The following ATP10A variants were observed in gnomAD, a reference collection of about 807,000 sequenced individuals.
The protein encoded by ATP10A is ATPase phospholipid transporting 10A (putative).
Under a neutral mutation model 147.8 loss-of-function variants are expected in ATP10A, and 111 were observed. The ratio of observed to expected loss-of-function variants is 0.75; its 90% CI spans 0.64 to 0.88. The LOEUF (loss-of-function observed/expected upper bound fraction) is 0.88. Ranked by LOEUF, ATP10A falls within the 40% of genes least tolerant of loss-of-function variation. The pLI, the probability that ATP10A is intolerant of heterozygous loss-of-function variation, is 0.00. For synonymous variants in ATP10A, 875 were observed against 841.6 expected, an observed-to-expected ratio of 1.04 and a Z score of -0.69; for missense variants, 1,927 against 1,959.0, an observed-to-expected ratio of 0.98 and a Z score of 0.31.
rs533558934 is a variant in ATP10A at position 25,835,446 on chromosome 15, G to A, written c.449+27202C>T. 7.9e-5 allele frequency among the ~76,000 whole-genome samples: 12 copies of A among 152,184 alleles called. No individual in the cohort carries two copies. In the South Asian group the frequency reaches 2.5e-3, roughly 32 times the overall value. ...AGCCCCCGCAGGAGCAGCAGCCCACGGAAGCAGCTCCCTCCCTGGTCGCAG... is the reference window on the plus strand; with the variant it reads ...AGCCCCCGCAGGAGCAGCAGCCCACAGAAGCAGCTCCCTCCCTGGTCGCAG... On this transcript the variant is annotated intron_variant, in intron 1 of 20. Transcript: ENST00000555815.
intron 3 of ATP10A, among the ~76,000 whole-genome samples, 187 bp downstream of exon 3, chr15:25,735,845 TCTACTGACAACAGGCTCTTACCCA>T (rs1017896609): frequency 3.3e-5 from 5 of 152,126 alleles, no homozygotes; most frequent in African/African-American, 1.2e-4. Context: ...GTGGCAAGCT[TCTACTGACAACAGGCTCTTACCCA>T]CTACTGACAA....
intron 2 of ATP10A, among the ~76,000 whole-genome samples, chr15:25,778,298 C>T (rs1396150070): frequency 6.6e-6 from 1 of 152,140 alleles, no homozygotes; most frequent in African/African-American, 2.4e-5. Flanking sequence ...GACAAGCTAA[C>T]TCAGTATTAC....
intron 3 of ATP10A, among the ~76,000 whole-genome samples, chr15:25,733,401 G>A (rs1449693099): frequency 1.3e-5 from 2 of 152,112 alleles, no homozygotes; most frequent in South Asian, 2.1e-4. Flanking sequence ...TCCTGCCCGA[G>A]GGAGCACTCC....
intron 3 of ATP10A, among the ~76,000 whole-genome samples, chr15:25,727,701 G>A (rs755273782): frequency 7.9e-5 from 12 of 152,208 alleles, no homozygotes; most frequent in Non-Finnish European, 1.5e-4. Context: ...AAAAGGGGAC[G>A]ATATTGGTTT....
chr15:25,674,408 G>A (rs140311710), downstream of ATP10A, among the ~76,000 whole-genome samples: 3 of 107,492 alleles, frequency 2.8e-5, no homozygotes, highest in Non-Finnish European at 5.7e-5. Flanking sequence ...TCTTCCCAGC[G>A]TAGGGACTGC....
rs140225022 is a variant in ATP10A at position 25,792,535 on chromosome 15, G to A, written c.450-11312C>T. On this transcript the variant is annotated intron_variant, in intron 1 of 20. Coordinates refer to ENST00000555815, the MANE Select transcript of ATP10A (RefSeq NM_024490.4). ...CAGACCCACGTGGGTGACAGATGTT[G>A]CATGTATTTAAATGACCCTGCAAAT... is the stretch of plus-strand genomic sequence containing the variant. 3.8e-3 allele frequency among the ~76,000 whole-genome samples: 586 copies of A among 152,348 alleles called. 3 individuals are homozygous for A. Among genetic ancestry groups the A allele is most frequent in the African/African-American group, 0.013 (557 of 41,584 alleles).
At chr15:25,674,222 C>A (rs1342989887), downstream of ATP10A, among the ~76,000 whole-genome samples, 1 of 152,184 alleles carries the variant, frequency 6.6e-6, no homozygotes, top group African/African-American at 2.4e-5. Flanking sequence ...TGAGGCAGAG[C>A]CACCCATGCA....
chr15:25,792,942 C>A (rs1442277227), intron 1 of ATP10A, among the ~76,000 whole-genome samples: 1 of 149,836 alleles, frequency 6.7e-6, no homozygotes, highest in Non-Finnish European at 1.5e-5. Context: ...GCGATCCTGA[C>A]TCACCGCAAC....
intron 2 of ATP10A, among the ~76,000 whole-genome samples, chr15:25,768,226 C>T (rs1889132157): frequency 6.6e-6 from 1 of 152,216 alleles, no homozygotes; most frequent in Admixed American, 6.5e-5. Flanking sequence ...GTGGCTTGGG[C>T]CTCCAGAGCT....
chr15:25,793,783 G>T (rs1379790528), intron 1 of ATP10A, among the ~76,000 whole-genome samples: 3 of 152,182 alleles, frequency 2.0e-5, no homozygotes, highest in Non-Finnish European at 4.4e-5. Context: ...TCAGCCTGGG[G>T]AACCAGGGCA....
intron 1 of ATP10A, among the ~76,000 whole-genome samples, chr15:25,785,122 G>T (rs536216060): frequency 6.6e-6 from 1 of 152,140 alleles, no homozygotes; most frequent in Non-Finnish European, 1.5e-5. Flanking sequence ...ACCCGGCAAG[G>T]AGCCTGGGCC....
intron 1 of ATP10A, among the ~76,000 whole-genome samples, chr15:25,815,866 T>C (rs60813975): frequency 6.6e-6 from 1 of 152,096 alleles, no homozygotes; most frequent in Non-Finnish European, 1.5e-5. Context: ...CTTTGTGTTT[T>C]AATTGACTTA....
chr15:25,822,390 A>G (rs1342650697), intron 1 of ATP10A, among the ~76,000 whole-genome samples: 2 of 152,208 alleles, frequency 1.3e-5, no homozygotes, highest in Admixed American at 6.5e-5. Flanking sequence ...TAGACTGGAT[A>G]TGTAACTTTG....
chr15:25,857,323 C>T (rs1055928844), intron 1 of ATP10A, among the ~76,000 whole-genome samples: 3 of 151,968 alleles, frequency 2.0e-5, no homozygotes, highest in Non-Finnish European at 2.9e-5. Flanking sequence ...GGCGTGCACC[C>T]GTGGTCCCAG....
chr15:25,804,214 CTG>C (rs911452753), intron 1 of ATP10A, among the ~76,000 whole-genome samples: 3 of 148,090 alleles, frequency 2.0e-5, no homozygotes, highest in African/African-American at 7.5e-5. Flanking sequence ...GTGTGTGCAT[CTG>C]TGTGTGTGTC....
chr15:25,679,361 A>G lies in ATP10A; in HGVS notation c.4480T>C (p.Ser1494Pro), dbSNP rs1899229907. The G allele has an allele frequency of 6.5e-7, 1 of 1,534,510 alleles. No homozygotes were observed. Among genetic ancestry groups the G allele is most frequent in the Non-Finnish European group, 8.8e-7 (1 of 1,133,180 alleles). Residue 1494 changes from serine (S) to proline (P), a missense_variant, in exon 21 of 21, where the codon TCT becomes CCT. Coordinates refer to ENST00000555815, the MANE Select transcript of ATP10A (RefSeq NM_024490.4). ...GPDHRLLIGA[S>P]SRRSQ The stretch of plus-strand genomic sequence containing the variant: ...GGTTTTCACTGTGACCGCCTTGAAG[A>G]TGCTCCTATAAGTAGTCTGTGGTCT...
In ATP10A at chr15:25,694,985, G is replaced by T. The variant is rs765325556; in HGVS notation, c.2922C>A (p.Ile974=). The T allele has an allele frequency of 6.2e-7, 1 of 1,614,074 alleles. No homozygotes were observed. Among genetic ancestry groups the T allele is most frequent in the Non-Finnish European group, 8.5e-7 (1 of 1,180,044 alleles). The change falls in exon 14 of 21, where the codon ATC becomes ATA. Residue 974 remains isoleucine (I), a synonymous_variant. Transcript: ENST00000555815. Reference sequence around the variant, plus strand: ...GAGCGTAGGCCAGGCTTCTCCCATCGATCACGAGGCTGGGTCTGCGGCCAG... The same window carrying T: ...GAGCGTAGGCCAGGCTTCTCCCATCTATCACGAGGCTGGGTCTGCGGCCAG... ...TASGRRPSLV[I]DGRSLAYALE...
In ATP10A at chr15:25,716,859, G is replaced by A. The variant is rs781444648; in HGVS notation, c.1647C>T (p.Ala549=). 6.8e-6 allele frequency: 11 copies of A among 1,609,630 alleles called. No homozygotes were observed. The highest frequency in any genetic ancestry group is 5.4e-5 in the African/African-American group (4 of 74,744). Residue 549 remains alanine (A), a synonymous_variant, in exon 9 of 21, where the codon GCC becomes GCT. Transcript: ENST00000555815. ...EKVSECDKSL[A]VARHQEHLLA... Reference sequence around the variant, plus strand: ...GCAGGTGCTCCTGATGCCTCGCCACGGCTAGGCTCTTGTCACACTCACTCA... The same window carrying A: ...GCAGGTGCTCCTGATGCCTCGCCACAGCTAGGCTCTTGTCACACTCACTCA...
chr15:25,781,671 A>AG (rs1889932662), intron 1 of ATP10A, among the ~76,000 whole-genome samples: 1 of 152,122 alleles, frequency 6.6e-6, no homozygotes, highest in South Asian at 2.1e-4. Flanking sequence ...AAAGAAGGAA[A>AG]AAAAAAAGAA....
Sources: allele counts gnomAD v4.1 joint callset (sites outside exome capture counted in the v4.1 genomes callset), GRCh38; gene constraint gnomAD v4.1.1; transcripts MANE v1.5; gene names NCBI Gene and HGNC (gene_info 2026-07-23, HGNC 2026-07-21).